Variants in PDE1A observed in about 807,000 individuals in gnomAD.
PDE1A encodes the protein dual specificity calcium/calmodulin-dependent 3',5'-cyclic nucleotide phosphodiesterase 1A.
A neutral mutation model predicts 61.7 loss-of-function variants in PDE1A; 35 were observed. The ratio of observed to expected loss-of-function variants is 0.57; its 90% CI spans 0.43 to 0.75. PDE1A has a LOEUF of 0.75. Among genes scored for constraint, PDE1A ranks in the 30% least tolerant of loss-of-function variants. PDE1A has a pLI of 0.00. For synonymous variants in PDE1A, 232 were observed against 213.2 expected, an observed-to-expected ratio of 1.09 and a Z score of -0.77; for missense variants, 597 against 630.6, an observed-to-expected ratio of 0.95 and a Z score of 0.57.
chr2:182,164,338 G>C (rs1417989332), downstream of PDE1A, among the ~76,000 whole-genome samples: 10 of 152,052 alleles, frequency 6.6e-5, no homozygotes, highest in African/African-American at 1.9e-4. Context: ...AAGAATACAT[G>C]GTCCAATGGT....
At chr2:182,243,067 T>C (rs1319234517) in intron 2 of PDE1A, among the ~76,000 whole-genome samples, 2 of 152,088 alleles carry the variant, frequency 1.3e-5, no homozygotes, top group East Asian at 3.9e-4. Flanking sequence ...TCTCTATTAA[T>C]ATTCATTTAA....
At chr2:182,224,046 C>T in intron 6 of PDE1A, 82 bp from the exon 7 acceptor site, 1 of 809,734 alleles carries the variant, frequency 1.2e-6, no homozygotes, top group Non-Finnish European at 2.0e-6. Context: ...TTCAGTGCAC[C>T]CTGTTTATGT....
At chr2:182,691,982 T>C in the PDE1A span, among the ~76,000 whole-genome samples, 112 of 152,276 alleles carry the variant, frequency 7.4e-4, no homozygotes, top group African/African-American at 2.6e-3. Flanking sequence ...AGATATCATC[T>C]CACACCAGTT....
the PDE1A span, among the ~76,000 whole-genome samples, chr2:182,649,642 G>A: frequency 5.3e-5 from 8 of 149,916 alleles, no homozygotes; most frequent in East Asian, 3.9e-4. Flanking sequence ...ATGGAGTCTC[G>A]CTTTTTCACC....
chr2:182,209,324 G>A (rs922947794), intron 7 of PDE1A, among the ~76,000 whole-genome samples: 1 of 151,850 alleles, frequency 6.6e-6, no homozygotes, highest in Non-Finnish European at 1.5e-5. Context: ...TCACTATCAC[G>A]AGAACAGTAT....
At chr2:182,301,874 C>A (rs992474578) in intron 1 of PDE1A, among the ~76,000 whole-genome samples, 2 of 152,116 alleles carry the variant, frequency 1.3e-5, no homozygotes, top group Non-Finnish European at 2.9e-5. Flanking sequence ...CAAACCTACA[C>A]CTACAGAACT....
intron 1 of PDE1A, among the ~76,000 whole-genome samples, chr2:182,372,402 A>T (rs1038503062): frequency 1.3e-5 from 2 of 152,198 alleles, no homozygotes; most frequent in African/African-American, 4.8e-5. Flanking sequence ...TTTTATCTAT[A>T]TTTAAGTGGG....
chr2:182,486,056 A>G (rs1290401663), intron 2 of PDE1A, among the ~76,000 whole-genome samples: 1 of 152,078 alleles, frequency 6.6e-6, no homozygotes, highest in Non-Finnish European at 1.5e-5. Flanking sequence ...AGAAAAACCT[A>G]AAGAATCTAT....
chr2:182,307,848 T>C (rs1695693574), intron 1 of PDE1A, among the ~76,000 whole-genome samples: 1 of 152,112 alleles, frequency 6.6e-6, no homozygotes, highest in South Asian at 2.1e-4. Context: ...AGATACAGAC[T>C]GTCTAAAGAC....
chr2:182,234,324 T>C, intron 4 of PDE1A, 108 bp downstream of exon 4: 1 of 716,338 alleles, frequency 1.4e-6, no homozygotes, highest in Non-Finnish European at 2.5e-6. Context: ...TTTTTAACGT[T>C]CTAAGATGTA....
chr2:182,258,766 ACT>A (rs1692007869), intron 2 of PDE1A, among the ~76,000 whole-genome samples: 3 of 151,912 alleles, frequency 2.0e-5, no homozygotes. Flanking sequence ...TGGAAGTCTG[ACT>A]CTGTATAAAT....
chr2:182,524,722 T>G (rs1690746223), upstream of PDE1A, among the ~76,000 whole-genome samples: 1 of 152,114 alleles, frequency 6.6e-6, no homozygotes, highest in African/African-American at 2.4e-5. Flanking sequence ...CAAATCATTT[T>G]TCTTTGTTAG....
At chr2:182,568,788 C>T in the PDE1A span, among the ~76,000 whole-genome samples, 1 of 151,856 alleles carries the variant, frequency 6.6e-6, no homozygotes, top group Admixed American at 6.6e-5. Context: ...GTTTAATTAG[C>T]TGAATAAAAT....
intron 1 of PDE1A, among the ~76,000 whole-genome samples, chr2:182,269,926 TATTGG>T (rs1311972520): frequency 6.6e-6 from 1 of 152,190 alleles, no homozygotes; most frequent in Admixed American, 6.5e-5. Flanking sequence ...AAATAGAGGC[TATTGG>T]TATATACCTT....
At chr2:182,627,393 GTATAT>G in the PDE1A span, among the ~76,000 whole-genome samples, 1 of 112,534 alleles carries the variant, frequency 8.9e-6, no homozygotes, top group Non-Finnish European at 1.7e-5. Flanking sequence ...AATATATAAT[GTATAT>G]TATATTTAAT....
chr2:182,609,808 A>T, the PDE1A span, among the ~76,000 whole-genome samples: 1 of 150,204 alleles, frequency 6.7e-6, no homozygotes. Flanking sequence ...AAAGAAACGG[A>T]TGGGGCACAG....
chr2:182,470,550 G>T (rs1686961188), intron 2 of PDE1A, among the ~76,000 whole-genome samples: 1 of 151,800 alleles, frequency 6.6e-6, no homozygotes, highest in Non-Finnish European at 1.5e-5. Flanking sequence ...TTTCAATAAA[G>T]ATATGATAAC....
At chr2:182,535,184 T>A in the PDE1A span, among the ~76,000 whole-genome samples, 1 of 152,096 alleles carries the variant, frequency 6.6e-6, no homozygotes, top group Non-Finnish European at 1.5e-5. Context: ...AAGGTTTTGA[T>A]GCATTTTAAA....
chr2:182,673,580 T>C, the PDE1A span, among the ~76,000 whole-genome samples: 1 of 152,120 alleles, frequency 6.6e-6, no homozygotes, highest in African/African-American at 2.4e-5. Context: ...AGCATTTCAA[T>C]ATAATATTAA....
Sources: allele counts gnomAD v4.1 joint callset (sites outside exome capture counted in the v4.1 genomes callset), GRCh38; gene constraint gnomAD v4.1.1; transcripts MANE v1.5; gene names NCBI Gene and HGNC (gene_info 2026-07-23, HGNC 2026-07-21).